The following CYP4X1 variants were observed in gnomAD, a reference collection of about 807,000 sequenced individuals.
The protein encoded by CYP4X1 is cytochrome P450 family 4 subfamily X member 1.
Under a neutral mutation model 57.9 loss-of-function variants are expected in CYP4X1, and 44 were observed. That is an observed-to-expected ratio of 0.76 (90% confidence interval 0.60 to 0.98). The LOEUF (loss-of-function observed/expected upper bound fraction) is 0.98, where lower values mean the gene tolerates loss of function less well. Ranked by LOEUF, CYP4X1 falls within the 50% of genes least tolerant of loss-of-function variation. The probability of loss-of-function intolerance (pLI) is 0.00; values close to 1 mark genes in which losing one functional copy is unlikely to be tolerated. For synonymous variants in CYP4X1, 227 were observed against 228.6 expected (o/e 0.99, Z 0.06); for missense variants, 532 against 623.9 (o/e 0.85, Z 1.57).
At chr1:46,965,055 C>T in the CYP4X1 span, among the ~76,000 whole-genome samples, 1 of 152,228 alleles carries the variant, frequency 6.6e-6, no homozygotes, top group Non-Finnish European at 1.5e-5. Flanking sequence ...AGGATATAGT[C>T]TCCTGGTGTG....
intron 8 of CYP4X1, among the ~76,000 whole-genome samples, chr1:47,040,374 T>C (rs920367751): frequency 2.0e-5 from 3 of 152,160 alleles, no homozygotes; most frequent in African/African-American, 7.2e-5. Context: ...TTTGCAAAGA[T>C]AAAATGTGTT....
At chr1:46,983,086 C>T in the CYP4X1 span, among the ~76,000 whole-genome samples, 1 of 152,132 alleles carries the variant, frequency 6.6e-6, no homozygotes, top group African/African-American at 2.4e-5. Flanking sequence ...TGGGAAAGGC[C>T]GTCTGGCCTT....
the CYP4X1 span, among the ~76,000 whole-genome samples, chr1:47,008,140 A>G: frequency 1.3e-5 from 2 of 152,190 alleles, no homozygotes; most frequent in Non-Finnish European, 1.5e-5. Flanking sequence ...CCAAAGTTGC[A>G]ATGAAGGAAA....
the CYP4X1 span, chr1:46,961,723 C>T: frequency 2.3e-6 from 3 of 1,307,196 alleles, no homozygotes; most frequent in Non-Finnish European, 3.0e-6. Flanking sequence ...AACCTCAAGC[C>T]CTAATATGTA....
chr1:46,988,933 G>A, the CYP4X1 span, among the ~76,000 whole-genome samples: 3 of 151,996 alleles, frequency 2.0e-5, no homozygotes, highest in Admixed American at 6.6e-5. Context: ...ACAAATCCAC[G>A]CCAATATCAT....
chr1:47,030,378 A>G (rs1350002996), intron 2 of CYP4X1, among the ~76,000 whole-genome samples: 1 of 152,160 alleles, frequency 6.6e-6, no homozygotes, highest in African/African-American at 2.4e-5. Context: ...TGGCATTACC[A>G]GACTTGCCAG....
At chr1:47,043,309 G>GT (rs981806295) in intron 8 of CYP4X1, among the ~76,000 whole-genome samples, 23 of 151,904 alleles carry the variant, frequency 1.5e-4, no homozygotes, top group African/African-American at 5.1e-4. Context: ...GGGATTATTT[G>GT]TTTTTTTCTT....
the CYP4X1 span, among the ~76,000 whole-genome samples, chr1:46,987,661 G>T: frequency 6.6e-6 from 1 of 152,096 alleles, no homozygotes; most frequent in Non-Finnish European, 1.5e-5. Flanking sequence ...AAATGCAAAA[G>T]AACAGAAATC....
In CYP4X1 at chr1:47,050,343, C is replaced by G. The variant is rs1324233911; in HGVS notation, c.*169C>G. The G allele has an allele frequency of 1.5e-6, 1 of 650,792 alleles. No homozygotes were observed. Among genetic ancestry groups the G allele is most frequent in the East Asian group, 2.9e-5 (1 of 34,306 alleles). 40.3% of individuals were successfully genotyped at this position (650,792 alleles called of 1,614,324 possible). A position where few individuals can be genotyped will look rare whatever the true frequency, so the allele number is the denominator to read the frequency against. ...CATTTCTAGGTACACAGTGTGTCAG[C>G]TAGATCTGTTTCTATATAACTTTGG... On this transcript the variant is annotated 3_prime_UTR_variant, in exon 12 of 12. Transcript: ENST00000371901.
At chr1:46,968,891 C>T in the CYP4X1 span, among the ~76,000 whole-genome samples, 2 of 152,112 alleles carry the variant, frequency 1.3e-5, no homozygotes, top group Admixed American at 1.3e-4. Context: ...ATTTAAATGA[C>T]ATTACTTGGG....
At chr1:47,014,757 G>A in the CYP4X1 span, among the ~76,000 whole-genome samples, 743 of 152,192 alleles carry the variant, frequency 4.9e-3, 13 homozygotes, top group East Asian at 0.047. Context: ...CATCTCCTCT[G>A]GAGGTTCTCA....
intron 8 of CYP4X1, 193 bp downstream of exon 8, chr1:47,039,725 T>G: frequency 2.5e-6 from 1 of 405,884 alleles, no homozygotes; most frequent in East Asian, 3.8e-5. Flanking sequence ...AAAAAAAAAG[T>G]TTATTTATCC....
the CYP4X1 span, among the ~76,000 whole-genome samples, chr1:46,996,041 G>A: frequency 6.6e-6 from 1 of 152,220 alleles, no homozygotes; most frequent in African/African-American, 2.4e-5. Context: ...TCTTAAAACA[G>A]TTGAGTTCAT....
At chr1:47,008,374 G>C in the CYP4X1 span, among the ~76,000 whole-genome samples, 1 of 152,184 alleles carries the variant, frequency 6.6e-6, no homozygotes, top group Admixed American at 6.5e-5. Flanking sequence ...AGCAAATGCT[G>C]AGAGATTTTG....
chr1:46,995,635 T>C, the CYP4X1 span, among the ~76,000 whole-genome samples: 1 of 152,192 alleles, frequency 6.6e-6, no homozygotes, highest in Non-Finnish European at 1.5e-5. Flanking sequence ...AGAAGCCAGC[T>C]CTCACTGGGA....
At chr1:46,963,444 G>T in the CYP4X1 span, among the ~76,000 whole-genome samples, 39 of 151,166 alleles carry the variant, frequency 2.6e-4, no homozygotes, top group African/African-American at 6.8e-4. Flanking sequence ...TGTAAGGCAG[G>T]CCTGGTGGTG....
At chr1:47,031,317 GCT>G (rs1213983760) in intron 2 of CYP4X1, 117 bp from the exon 3 acceptor site, 4 of 1,197,190 alleles carry the variant, frequency 3.3e-6, no homozygotes, top group Non-Finnish European at 4.8e-6. Context: ...TAAGCCCTGG[GCT>G]CTCTTTTTCT....
the CYP4X1 span, among the ~76,000 whole-genome samples, chr1:46,997,475 G>A: frequency 6.6e-6 from 1 of 152,178 alleles, no homozygotes; most frequent in East Asian, 1.9e-4. Context: ...CATGCATGCA[G>A]TATTTGATTT....
chr1:47,042,638 T>A (rs1279007638), intron 8 of CYP4X1, among the ~76,000 whole-genome samples: 1 of 152,078 alleles, frequency 6.6e-6, no homozygotes, highest in Non-Finnish European at 1.5e-5. Flanking sequence ...GTCCCCAAAG[T>A]CCATTGTATC....
Sources: gnomAD v4.1 joint callset for allele counts (sites outside exome capture counted in the v4.1 genomes callset) on GRCh38, gnomAD v4.1.1 for gene constraint, MANE v1.5 for transcripts, NCBI Gene and HGNC (gene_info 2026-07-23, HGNC 2026-07-21) for gene names.